The following MINDY4 variants were observed in gnomAD, a reference collection of about 807,000 sequenced individuals.
MINDY4 encodes the protein MINDY lysine 48 deubiquitinase 4.
MINDY4 carries 68 observed loss-of-function variants against 87.0 expected under a neutral mutation model. That is an observed-to-expected ratio of 0.78 (90% confidence interval 0.64 to 0.96). MINDY4 has a LOEUF of 0.96. Ranked by LOEUF, MINDY4 falls within the 40% of genes least tolerant of loss-of-function variation. The pLI is 0.00. For synonymous variants in MINDY4, 379 were observed against 363.2 expected, an observed-to-expected ratio of 1.04 and a Z score of -0.50; for missense variants, 919 against 928.2, an observed-to-expected ratio of 0.99 and a Z score of 0.13.
At chr7:30,841,764 G>C (rs1044673144) in intron 9 of MINDY4, among the ~76,000 whole-genome samples, 11 of 152,126 alleles carry the variant, frequency 7.2e-5, no homozygotes, top group African/African-American at 2.7e-4. Flanking sequence ...AATATTTCTA[G>C]TACTCCAGAA....
chr7:30,788,627 A>G (rs977449403), intron 4 of MINDY4, among the ~76,000 whole-genome samples: 3 of 152,206 alleles, frequency 2.0e-5, no homozygotes, highest in African/African-American at 7.2e-5. Context: ...ACAAAAATAC[A>G]CTATTTGTTT....
intron 5 of MINDY4, chr7:30,796,944 T>G (rs1787508645): frequency 6.6e-6 from 1 of 152,174 alleles, no homozygotes; most frequent in Admixed American, 6.5e-5. Flanking sequence ...ACTCATTTAT[T>G]CAGTTAATTT....
intron 13 of MINDY4, among the ~76,000 whole-genome samples, chr7:30,860,503 G>C (rs1467961521): frequency 6.6e-6 from 1 of 152,182 alleles, no homozygotes; most frequent in Non-Finnish European, 1.5e-5. Flanking sequence ...GACTGGGTTT[G>C]CTCCTGGTTT....
chr7:30,792,876 CTGAGTT>C (rs1360617856), intron 5 of MINDY4, among the ~76,000 whole-genome samples: 2 of 151,868 alleles, frequency 1.3e-5, no homozygotes, highest in African/African-American at 2.4e-5. Flanking sequence ...TCTATTCTCT[CTGAGTT>C]TAATTTGCTA....
At chr7:30,846,555 G>T (rs1789224589) in intron 9 of MINDY4, among the ~76,000 whole-genome samples, 2 of 152,198 alleles carry the variant, frequency 1.3e-5, no homozygotes, top group Admixed American at 6.5e-5. Flanking sequence ...TGTCACCTGG[G>T]TTCTGCCAGT....
chr7:30,877,034 C>T lies in MINDY4; in HGVS notation c.1971+1378C>T, dbSNP rs185561095. On this transcript the variant is annotated intron_variant, in intron 15 of 17. Transcript: ENST00000265299. Reference sequence around the variant, plus strand: ...CCCCAGATCCCCTCTCTGGATGATACCCCCAGCATGCCAAAAGCAGACTTC... The same window carrying T: ...CCCCAGATCCCCTCTCTGGATGATATCCCCAGCATGCCAAAAGCAGACTTC... 2.0e-5 allele frequency among the ~76,000 whole-genome samples: 3 copies of T among 152,210 alleles called. No homozygotes were observed. The East Asian group carries it at 5.8e-4, about 29-fold the overall frequency.
intron 5 of MINDY4, among the ~76,000 whole-genome samples, chr7:30,793,950 C>A (rs1787400238): frequency 6.6e-6 from 1 of 152,044 alleles, no homozygotes; most frequent in Non-Finnish European, 1.5e-5. Context: ...AATTATTATC[C>A]CCATTTCACA....
chr7:30,860,666 CGAGTGT>C (rs1191798600), intron 13 of MINDY4, among the ~76,000 whole-genome samples: 4 of 152,042 alleles, frequency 2.6e-5, no homozygotes, highest in African/African-American at 4.8e-5. Flanking sequence ...GCTCTGTGCT[CGAGTGT>C]GTCAGTTCTG....
At chr7:30,795,595 G>A (rs1467149619) in intron 5 of MINDY4, among the ~76,000 whole-genome samples, 1 of 152,234 alleles carries the variant, frequency 6.6e-6, no homozygotes, top group East Asian at 1.9e-4. Flanking sequence ...AGGGGTGCAT[G>A]TGTTTCCTGT....
intron 5 of MINDY4, among the ~76,000 whole-genome samples, chr7:30,809,096 A>G (rs1360280250): frequency 6.6e-6 from 1 of 152,214 alleles, no homozygotes; most frequent in Non-Finnish European, 1.5e-5. Flanking sequence ...TTAAAAGCCA[A>G]GGTAAATTTA....
chr7:30,810,137 C>T (rs925695485), intron 5 of MINDY4, among the ~76,000 whole-genome samples: 3 of 126,758 alleles, frequency 2.4e-5, no homozygotes, highest in African/African-American at 9.3e-5. Context: ...GATTGCGCCA[C>T]ACACTCCAGC....
chr7:30,815,320 G>T (rs1323288227), intron 5 of MINDY4, among the ~76,000 whole-genome samples: 1 of 152,190 alleles, frequency 6.6e-6, no homozygotes, highest in Non-Finnish European at 1.5e-5. Flanking sequence ...ACCATCCTTG[G>T]GAGGCAGCCT....
At chr7:30,815,129 A>T (rs999951355) in intron 5 of MINDY4, among the ~76,000 whole-genome samples, 4 of 152,192 alleles carry the variant, frequency 2.6e-5, no homozygotes, top group African/African-American at 9.6e-5. Context: ...CCTAGCAGCT[A>T]AGTAAACATC....
chr7:30,810,124 C>T (rs945839455), intron 5 of MINDY4, among the ~76,000 whole-genome samples: 7 of 129,874 alleles, frequency 5.4e-5, no homozygotes, highest in Middle Eastern at 5.1e-3. Context: ...TGTGGCGAGC[C>T]GAGATTGCGC....
At chr7:30,802,674 T>C (rs2078224675) in intron 5 of MINDY4, among the ~76,000 whole-genome samples, 1 of 152,238 alleles carries the variant, frequency 6.6e-6, no homozygotes, top group African/African-American at 2.4e-5. Flanking sequence ...TTTCATATAA[T>C]TGAAACAATT....
intron 6 of MINDY4, among the ~76,000 whole-genome samples, chr7:30,829,371 T>C (rs1411901762): frequency 1.3e-5 from 2 of 152,206 alleles, no homozygotes; most frequent in Admixed American, 6.5e-5. Flanking sequence ...ACTGCGGATG[T>C]TGAGACCAAG....
chr7:30,798,749 C>T (rs549521303), intron 5 of MINDY4, among the ~76,000 whole-genome samples: 11 of 152,270 alleles, frequency 7.2e-5, no homozygotes, highest in South Asian at 2.1e-4. Context: ...CCGCCCGCCT[C>T]GGCCTCTCAA....
chr7:30,843,797 A>G (rs11761293), intron 9 of MINDY4, among the ~76,000 whole-genome samples: 6,218 of 152,164 alleles, frequency 0.041, 202 homozygotes, highest in Non-Finnish European at 0.06. Flanking sequence ...CAGGCCAAGG[A>G]TGGTGCAGCC....
At chr7:30,827,620 G>A (rs1201336868) in intron 5 of MINDY4, among the ~76,000 whole-genome samples, 1 of 152,214 alleles carries the variant, frequency 6.6e-6, no homozygotes, top group Non-Finnish European at 1.5e-5. Flanking sequence ...ACTTGACTGA[G>A]TTGAGGAGGA....
Sources: gnomAD v4.1 joint callset for allele counts (sites outside exome capture counted in the v4.1 genomes callset) on GRCh38, gnomAD v4.1.1 for gene constraint, MANE v1.5 for transcripts, NCBI Gene and HGNC (gene_info 2026-07-23, HGNC 2026-07-21) for gene names.